The following RGS8 variants were observed in gnomAD, a reference collection of about 807,000 sequenced individuals.
RGS8 encodes regulator of G-protein signaling 8.
Under a neutral mutation model 21.7 loss-of-function variants are expected in RGS8, and 8 were observed. That is an observed-to-expected ratio of 0.37 (90% CI 0.22 to 0.66). The LOEUF (loss-of-function observed/expected upper bound fraction) is 0.66. Among genes scored for constraint, RGS8 ranks in the 30% least tolerant of loss-of-function variants. The pLI is 0.59. For missense variants in RGS8, 157 were observed against 217.9 expected, an observed-to-expected ratio of 0.72 and a Z score of 1.76; for synonymous variants, 80 against 83.6, an observed-to-expected ratio of 0.96 and a Z score of 0.24.
intron 5 of RGS8, among the ~76,000 whole-genome samples, chr1:182,657,119 A>G (rs1266879728): frequency 8.1e-6 from 1 of 123,000 alleles, no homozygotes; most frequent in Non-Finnish European, 1.6e-5. Flanking sequence ...TTTCCTGCTT[A>G]TGTGACCAAG....
At chr1:182,729,717 AG>A in the RGS8 span, among the ~76,000 whole-genome samples, 1 of 152,348 alleles carries the variant, frequency 6.6e-6, no homozygotes, top group East Asian at 1.9e-4. Context: ...TAATTCAGAA[AG>A]CTATGAAATA....
intron 5 of RGS8, among the ~76,000 whole-genome samples, chr1:182,664,611 A>T (rs962475508): frequency 1.3e-5 from 2 of 152,240 alleles, no homozygotes; most frequent in South Asian, 2.1e-4. Flanking sequence ...TAAAAAAAAT[A>T]GCATTACTGC....
upstream of RGS8, among the ~76,000 whole-genome samples, chr1:182,689,252 C>T (rs543451832): frequency 1.1e-4 from 16 of 143,554 alleles, no homozygotes; most frequent in African/African-American, 3.0e-4. Flanking sequence ...TGCACGCGCA[C>T]GCACACACAC....
chr1:182,649,883 G>A (rs1454450676), intron 5 of RGS8, among the ~76,000 whole-genome samples: 1 of 149,302 alleles, frequency 6.7e-6, no homozygotes, highest in Non-Finnish European at 1.5e-5. Flanking sequence ...AAATCCCCCA[G>A]AAGAACAAAA....
At chr1:182,673,746 G>A (rs1664266536), upstream of RGS8, among the ~76,000 whole-genome samples, 1 of 152,128 alleles carries the variant, frequency 6.6e-6, no homozygotes, top group Non-Finnish European at 1.5e-5. Flanking sequence ...TAAGCAGAAA[G>A]AGAACCCTTC....
At chr1:182,677,191 A>T (rs1664392411), upstream of RGS8, among the ~76,000 whole-genome samples, 1 of 152,238 alleles carries the variant, frequency 6.6e-6, no homozygotes. Flanking sequence ...GCAGATCCAG[A>T]ACTGTGGGCA....
chr1:182,743,776 A>C, the RGS8 span, among the ~76,000 whole-genome samples: 3 of 152,146 alleles, frequency 2.0e-5, no homozygotes, highest in Non-Finnish European at 2.9e-5. Flanking sequence ...TCTAAAATAG[A>C]AAACATGTGT....
At chr1:182,708,275 TC>T in the RGS8 span, among the ~76,000 whole-genome samples, 3 of 152,150 alleles carry the variant, frequency 2.0e-5, no homozygotes, top group Non-Finnish European at 4.4e-5. Context: ...TCAAGCCTCA[TC>T]CCTTCACAAT....
At chr1:182,724,847 C>T in the RGS8 span, among the ~76,000 whole-genome samples, 8,040 of 152,258 alleles carry the variant, frequency 0.053, 255 homozygotes, top group Middle Eastern at 0.075. Flanking sequence ...CATGAGCCAC[C>T]GCGCCCGGCC....
intron 4 of RGS8, among the ~76,000 whole-genome samples, 170 bp downstream of exon 5, chr1:182,666,702 C>G (rs1416599466): frequency 6.6e-6 from 1 of 151,018 alleles, no homozygotes; most frequent in Non-Finnish European, 1.5e-5. Context: ...CTAAGCTATA[C>G]GTTTTGAAAA....
At chr1:182,661,469 A>G (rs1398957148) in intron 5 of RGS8, among the ~76,000 whole-genome samples, 1 of 152,020 alleles carries the variant, frequency 6.6e-6, no homozygotes, top group Non-Finnish European at 1.5e-5. Flanking sequence ...ACTGGAATAA[A>G]TCTAACTTTT....
chr1:182,723,924 C>G, the RGS8 span, among the ~76,000 whole-genome samples: 1 of 151,746 alleles, frequency 6.6e-6, no homozygotes, highest in African/African-American at 2.4e-5. Context: ...ATCGGGCAGC[C>G]CCCAAAACGA....
At chr1:182,657,479 T>C (rs1026771106) in intron 5 of RGS8, among the ~76,000 whole-genome samples, 18 of 152,158 alleles carry the variant, frequency 1.2e-4, no homozygotes, top group African/African-American at 4.1e-4. Flanking sequence ...CTGTGTTTCC[T>C]CTGCCGGGGC....
At chr1:182,719,279 G>A in the RGS8 span, among the ~76,000 whole-genome samples, 1 of 151,940 alleles carries the variant, frequency 6.6e-6, no homozygotes, top group Non-Finnish European at 1.5e-5. Context: ...AGTTTTAAGT[G>A]AGAGGAGAAA....
intron 1 of RGS8, among the ~76,000 whole-genome samples, chr1:182,678,418 C>G (rs1471084398): frequency 1.3e-5 from 2 of 152,208 alleles, no homozygotes; most frequent in Non-Finnish European, 2.9e-5. Context: ...TTGAATAAAT[C>G]CATTTTAAGA....
At chr1:182,660,992 A>T (rs1454951736) in intron 5 of RGS8, among the ~76,000 whole-genome samples, 1 of 151,910 alleles carries the variant, frequency 6.6e-6, no homozygotes, top group African/African-American at 2.4e-5. Context: ...AGTGAATGGA[A>T]GCCTGACTGT....
chr1:182,747,043 C>CTGTTTTTTTT, the RGS8 span, among the ~76,000 whole-genome samples: 1 of 21,026 alleles, frequency 4.8e-5, no homozygotes, highest in Admixed American at 9.1e-4. Context: ...CACTGCTGGT[C>CTGTTTTTTTT]TTTTTTTTTT....
the RGS8 span, chr1:182,734,568 A>C: frequency 6.6e-6 from 1 of 152,212 alleles, no homozygotes; most frequent in Non-Finnish European, 1.5e-5. Flanking sequence ...AGTTGATCCC[A>C]ATACTTTTTC....
chr1:182,681,946 T>A (rs1434297862), intron 1 of RGS8, among the ~76,000 whole-genome samples: 4 of 152,176 alleles, frequency 2.6e-5, no homozygotes, highest in Non-Finnish European at 5.9e-5. Context: ...ACCAATTCCA[T>A]GCAGAGAACA....
Sources: allele counts gnomAD v4.1 joint callset (sites outside exome capture counted in the v4.1 genomes callset), GRCh38; gene constraint gnomAD v4.1.1; transcripts MANE v1.5; gene names NCBI Gene and HGNC (gene_info 2026-07-23, HGNC 2026-07-21).